OSBPL6: variants seen among roughly 807,000 people sequenced by gnomAD.
OSBPL6 encodes oxysterol-binding protein-related protein 6.
Under a neutral mutation model 125.8 loss-of-function variants are expected in OSBPL6, and 49 were observed. That is an observed-to-expected ratio of 0.39 (90% CI 0.31 to 0.49). The LOEUF (loss-of-function observed/expected upper bound fraction) is 0.49. Among genes scored for constraint, OSBPL6 ranks in the 20% least tolerant of loss-of-function variants. OSBPL6 has a pLI of 0.88. For synonymous variants in OSBPL6, 394 were observed against 391.8 expected, an observed-to-expected ratio of 1.01 and a Z score of -0.07; for missense variants, 986 against 1,135.4, an observed-to-expected ratio of 0.87 and a Z score of 1.89.
At position 178,395,588 on chromosome 2, in the gene OSBPL6, C is replaced by A. The variant is rs1414547507; in HGVS notation, c.*29C>A. ...GGGAATGTAGAGCTAGCCAACATATCACATTCTGAATGAATAAATAACTAT... is the reference window on the plus strand; with the variant it reads ...GGGAATGTAGAGCTAGCCAACATATAACATTCTGAATGAATAAATAACTAT... On this transcript the variant is annotated 3_prime_UTR_variant, in exon 25 of 25. Transcript: ENST00000190611. The A allele has an allele frequency of 6.9e-7, 1 of 1,454,736 alleles. No individual in the cohort carries two copies. The highest frequency in any genetic ancestry group is 9.6e-7 in the Non-Finnish European group (1 of 1,040,052). 90.1% of individuals were successfully genotyped at this position (1,454,736 alleles called of 1,614,324 possible).
At chr2:178,345,914 A>C (rs1313563891) in intron 11 of OSBPL6, among the ~76,000 whole-genome samples, 2 of 152,222 alleles carry the variant, frequency 1.3e-5, no homozygotes, top group Non-Finnish European at 2.9e-5. Context: ...TTTAAAATTG[A>C]GAGTAGAAGA....
At position 178,373,952 on chromosome 2, in the gene OSBPL6, C is replaced by T. The variant is rs1428269818; in HGVS notation, c.1458C>T (p.Leu486=). 1 of 1,614,156 alleles carries T rather than the reference C, an allele frequency of 6.2e-7. No homozygotes were observed. Among genetic ancestry groups the T allele is most frequent in the African/African-American group, 1.3e-5 (1 of 75,062 alleles). The change falls in exon 15 of 25, where the codon CTC becomes CTT. Residue 486 remains leucine (L), a synonymous_variant. Transcript: ENST00000190611. ...AGCAAGTAGCCAATGAGAGCCGCCTCTCCATGTCAGAGTCTGTTTCTGAGT... is the reference window on the plus strand; with the variant it reads ...AGCAAGTAGCCAATGAGAGCCGCCTTTCCATGTCAGAGTCTGTTTCTGAGT... The part of the protein sequence containing the change: ...LSQQVANESR[L]SMSESVSEFF...
chr2:178,302,067 T>C (rs773892567), intron 2 of OSBPL6, among the ~76,000 whole-genome samples: 2 of 152,130 alleles, frequency 1.3e-5, no homozygotes, highest in Non-Finnish European at 2.9e-5. Flanking sequence ...ACACATACAA[T>C]TTATGATGCC....
intron 1 of OSBPL6, among the ~76,000 whole-genome samples, chr2:178,195,878 T>G (rs1331714543): frequency 1.3e-5 from 2 of 152,210 alleles, no homozygotes; most frequent in Non-Finnish European, 2.9e-5. Context: ...TGGTTACATA[T>G]CACTAAGCTG....
At chr2:178,209,551 C>A (rs903065310) in intron 1 of OSBPL6, among the ~76,000 whole-genome samples, 1 of 151,068 alleles carries the variant, frequency 6.6e-6, no homozygotes, top group African/African-American at 2.4e-5. Context: ...AGGGAAACCT[C>A]GGTGTCCTCC....
At chr2:178,248,093 A>T (rs909224803) in intron 1 of OSBPL6, among the ~76,000 whole-genome samples, 1 of 152,196 alleles carries the variant, frequency 6.6e-6, no homozygotes, top group African/African-American at 2.4e-5. Flanking sequence ...TATTCTCCCT[A>T]CTTGTAGATA....
At chr2:178,330,259 G>C (rs1430223766) in intron 5 of OSBPL6, among the ~76,000 whole-genome samples, 1 of 152,184 alleles carries the variant, frequency 6.6e-6, no homozygotes, top group South Asian at 2.1e-4. Flanking sequence ...AATTTTGTAT[G>C]AATTGCTAAC....
chr2:178,246,661 A>G (rs1350094217), intron 1 of OSBPL6, among the ~76,000 whole-genome samples: 2 of 152,180 alleles, frequency 1.3e-5, no homozygotes, highest in African/African-American at 4.8e-5. Context: ...AGTTTCCCAA[A>G]ATAAAAACCT....
chr2:178,328,886 AAT>A (rs1574882613), intron 5 of OSBPL6, among the ~76,000 whole-genome samples: 1 of 152,174 alleles, frequency 6.6e-6, no homozygotes, highest in Non-Finnish European at 1.5e-5. Flanking sequence ...GAGGGAAAAA[AAT>A]ATGTGATATT....
At position 178,361,778 on chromosome 2, in the gene OSBPL6, G is replaced by A; in HGVS notation, c.1250G>A (p.Ser417Asn). ...GAGCAGGATCACAGTAAAGGCCACA[G>A]CACGCAGATGGCACGGCTCCGACAG... ...VSEQDHSKGHSTQMARLRQSL... is the reference protein window; with the variant it reads ...VSEQDHSKGHNTQMARLRQSL... Residue 417 changes from serine (S) to asparagine (N), a missense_variant, in exon 13 of 25, where the codon AGC becomes AAC. This residue lies in a region of OSBPL6 where 843 missense variants were observed against 997.3 expected (regional missense o/e 0.85). Coordinates refer to ENST00000190611, the MANE Select transcript of OSBPL6 (RefSeq NM_032523.4). 2.5e-6 allele frequency: 4 copies of A among 1,614,172 alleles called. No individual in the cohort carries two copies. The highest frequency in any genetic ancestry group is 3.4e-6 in the Non-Finnish European group (4 of 1,180,008).
At chr2:178,209,590 C>T (rs1191266967) in intron 1 of OSBPL6, among the ~76,000 whole-genome samples, 1 of 151,902 alleles carries the variant, frequency 6.6e-6, no homozygotes, top group African/African-American at 2.4e-5. Flanking sequence ...TTGTTTTGAT[C>T]TGTGTTTCAT....
At chr2:178,394,612 AT>A (rs1344325206) in intron 24 of OSBPL6, among the ~76,000 whole-genome samples, 177 bp downstream of exon 24, 2 of 152,114 alleles carry the variant, frequency 1.3e-5, no homozygotes, top group Non-Finnish European at 2.9e-5. Context: ...ATAAAAAGAA[AT>A]TTTTTCTACA....
At chr2:178,294,344 T>C (rs953802351) in intron 2 of OSBPL6, among the ~76,000 whole-genome samples, 2 of 152,152 alleles carry the variant, frequency 1.3e-5, no homozygotes, top group African/African-American at 4.8e-5. Context: ...TGAATAGACA[T>C]ATTTCTCCAG....
At chr2:178,196,043 A>G (rs939572522) in intron 1 of OSBPL6, among the ~76,000 whole-genome samples, 4 of 145,972 alleles carry the variant, frequency 2.7e-5, no homozygotes, top group Non-Finnish European at 4.5e-5. Flanking sequence ...ACATTTCTAC[A>G]GTTTTGGGTA....
chr2:178,320,294 G>A, intron 3 of OSBPL6: 1 of 1,612,220 alleles, frequency 6.2e-7, no homozygotes, highest in Non-Finnish European at 8.5e-7. Context: ...CTAACCTGAG[G>A]AGCATATTTT....
intron 1 of OSBPL6, among the ~76,000 whole-genome samples, chr2:178,247,834 G>T (rs1190243546): frequency 6.6e-6 from 1 of 152,106 alleles, no homozygotes; most frequent in Non-Finnish European, 1.5e-5. Context: ...CAGTTTCCCT[G>T]CTCCTTATAC....
intron 1 of OSBPL6, among the ~76,000 whole-genome samples, chr2:178,282,980 T>G (rs6433718): frequency 0.2 from 30,108 of 152,054 alleles, 3,251 homozygotes; most frequent in African/African-American, 0.26. Flanking sequence ...TAGCTGACAA[T>G]TCATATTCCA....
chr2:178,194,202 G>A (rs1217899430), upstream of OSBPL6, among the ~76,000 whole-genome samples: 1 of 152,184 alleles, frequency 6.6e-6, no homozygotes, highest in Non-Finnish European at 1.5e-5. Flanking sequence ...TCCACTGCGG[G>A]TGATCTCGGG....
At chr2:178,238,504 A>C (rs2091153790) in intron 1 of OSBPL6, among the ~76,000 whole-genome samples, 1 of 152,330 alleles carries the variant, frequency 6.6e-6, no homozygotes, top group Middle Eastern at 3.4e-3. Flanking sequence ...AAGTGAAAAG[A>C]TGAAAGTTCT....
Sources: allele counts gnomAD v4.1 joint callset (sites outside exome capture counted in the v4.1 genomes callset), GRCh38; gene constraint gnomAD v4.1.1; regional missense constraint gnomAD v4.1.1; transcripts MANE v1.5; gene names NCBI Gene and HGNC (gene_info 2026-07-23, HGNC 2026-07-21).